The following CDC27 variants were observed in gnomAD, a reference collection of about 807,000 sequenced individuals.
CDC27 encodes the protein cell division cycle protein 27 homolog.
Under a neutral mutation model 109.7 loss-of-function variants are expected in CDC27, and 27 were observed. The observed-to-expected ratio is 0.25, with a 90% confidence interval of 0.18 to 0.34. The LOEUF is 0.34. Ranked by LOEUF, CDC27 falls within the 10% of genes least tolerant of loss-of-function variation. The pLI, the probability that CDC27 is intolerant of heterozygous loss-of-function variation, is 1.00. For missense variants in CDC27, 579 were observed against 960.2 expected (o/e 0.60, Z 5.25); for synonymous variants, 266 against 333.9 (o/e 0.80, Z 2.22).
chr17:47,123,391 T>C (rs1474590123), intron 17 of CDC27, among the ~76,000 whole-genome samples: 1 of 145,992 alleles, frequency 6.8e-6, no homozygotes, highest in East Asian at 2.0e-4. Context: ...GTTCTTCTAC[T>C]TTTTTTTCTA....
At position 47,157,031 on chromosome 17, in the gene CDC27, G is replaced by T. The variant is rs7350908; in HGVS notation, c.724C>A (p.Pro242Thr). ...VSYIDSAVIS[P>T]DTVPLGTGTS... ...CCTGTTCCCAGTGGGACAGTATCAG[G>T]TGAAATTACAGCTGAATCAATATAA... is the stretch of plus-strand genomic sequence containing the variant. Residue 242 changes from proline to threonine, a missense_variant, in exon 7 of 19, where the codon CCT (proline) becomes ACT (threonine). Physicochemically the swap from Pro to Thr is conservative, Grantham distance 38 (BLOSUM62 -1). Around this residue, in one of 9 missense-constraint regions of CDC27, gnomAD observed 74 missense variants for 148.9 expected, o/e 0.50. Transcript: ENST00000066544. 2.0e-5 allele frequency: 31 copies of T among 1,575,176 alleles called. No homozygotes were observed. Among genetic ancestry groups the T allele is most frequent in the Admixed American group, 1.7e-5 (1 of 59,314 alleles).
intron 13 of CDC27, among the ~76,000 whole-genome samples, chr17:47,137,576 T>C (rs896085767): frequency 3.3e-5 from 5 of 152,206 alleles, no homozygotes; most frequent in African/African-American, 1.2e-4. Flanking sequence ...CTTGCAGTGC[T>C]TTCATAGTCA....
At chr17:47,132,235 T>A in intron 15 of CDC27, 22 bp downstream of exon 15, 1 of 1,052,130 alleles carries the variant, frequency 9.5e-7, no homozygotes, top group East Asian at 2.4e-5. Context: ...AATAGAGTAT[T>A]AATGTTTAGA....
chr17:47,123,402 C>CTTTTTTTT (rs57868315), intron 17 of CDC27, among the ~76,000 whole-genome samples: 6 of 123,000 alleles, frequency 4.9e-5, no homozygotes, highest in Non-Finnish European at 6.7e-5. Flanking sequence ...TTTTTTTCTA[C>CTTTTTTTT]TTTTTTTTTT....
chr17:47,176,832 G>T (rs1429414587), intron 2 of CDC27, among the ~76,000 whole-genome samples: 1 of 152,100 alleles, frequency 6.6e-6, no homozygotes, highest in Non-Finnish European at 1.5e-5. Context: ...ATCAATAAAG[G>T]CCTCAAAATG....
chr17:47,187,046 C>T (rs1159216201), intron 1 of CDC27, among the ~76,000 whole-genome samples: 1 of 152,156 alleles, frequency 6.6e-6, no homozygotes, highest in African/African-American at 2.4e-5. Context: ...TCTCACTGTT[C>T]CAAATCCATT....
At chr17:47,154,642 T>C (rs1567679263) in intron 8 of CDC27, 30 bp downstream of exon 8, 1 of 1,180,716 alleles carries the variant, frequency 8.5e-7, no homozygotes, top group African/African-American at 1.5e-5. Context: ...CTTTAATCAA[T>C]TCCCAAACTG....
intron 4 of CDC27, among the ~76,000 whole-genome samples, chr17:47,168,486 G>C (rs372592988): frequency 6.6e-6 from 1 of 152,064 alleles, no homozygotes; most frequent in African/African-American, 2.4e-5. Flanking sequence ...ATAAACCTTT[G>C]AGGGTGGGGA....
chr17:47,181,675 T>C (rs776378939), intron 1 of CDC27, 38 bp from the exon 2 acceptor site: 2 of 1,191,820 alleles, frequency 1.7e-6, no homozygotes, highest in Non-Finnish European at 2.5e-6. Context: ...TATACATACA[T>C]ACAGACTTTC....
chr17:47,155,345 A>G (rs1350437578), intron 7 of CDC27, among the ~76,000 whole-genome samples: 2 of 152,182 alleles, frequency 1.3e-5, no homozygotes, highest in Non-Finnish European at 2.9e-5. Flanking sequence ...TGCTGGGTTC[A>G]AATGATTCTT....
rs201040580 is a variant in CDC27 at position 47,130,378 on chromosome 17, T to TA, written c.2032-858dup. ...CCGTCTCAAAAAATAAAAATAAAAA[T>TA]AAAAAAAGAGAAAAAAAAGAAAAAT... is the stretch of plus-strand genomic sequence containing the variant. On this transcript the variant is annotated intron_variant, in intron 15 of 18. Transcript: ENST00000066544. 2.1e-3 allele frequency among the ~76,000 whole-genome samples: 314 copies of TA among 149,188 alleles called. 1 individual carries two copies. The highest frequency in any genetic ancestry group is 7.2e-3 in the African/African-American group (294 of 40,564).
At chr17:47,132,984 G>A (rs2062400953) in intron 14 of CDC27, among the ~76,000 whole-genome samples, 1 of 80,748 alleles carries the variant, frequency 1.2e-5, no homozygotes, top group Non-Finnish European at 2.3e-5. Context: ...ATGTTGCCCA[G>A]GCGCATATAT....
At chr17:47,123,640 G>A (rs1291222378) in intron 17 of CDC27, among the ~76,000 whole-genome samples, 1 of 151,774 alleles carries the variant, frequency 6.6e-6, no homozygotes, top group Non-Finnish European at 1.5e-5. Context: ...TTAAACTCCT[G>A]ACCTCACGTA....
In CDC27 at chr17:47,156,948, TA is replaced by T; in HGVS notation, c.806del (p.Leu269Ter). The T allele has an allele frequency of 6.4e-7, 1 of 1,559,668 alleles. No homozygotes were observed. Among genetic ancestry groups the T allele is most frequent in the Non-Finnish European group, 8.8e-7 (1 of 1,140,926 alleles). ...QNKPKTGRSL[L>X]GGPAALSPLT... ...ATGGACTAAGAGCTGCTGGTCCTCCTAATAAACTTCGACCAGTTTTTGGTTT... is the reference window on the plus strand; with the variant it reads ...ATGGACTAAGAGCTGCTGGTCCTCCTATAAACTTCGACCAGTTTTTGGTTT... On this transcript the variant is annotated frameshift_variant, in exon 7 of 19. Coordinates refer to ENST00000066544, the MANE Select transcript of CDC27 (RefSeq NM_001256.6). LOFTEE classifies it high-confidence loss of function.
rs2064585481 is a variant in CDC27, at chr17:47,189,270, T to A, written c.-98A>T. 1 of 930,182 alleles carries A rather than the reference T, an allele frequency of 1.1e-6. No individual in the cohort carries two copies. The allele number at this position is 930,182 out of a possible 1,614,324, so 57.6% of individuals were successfully genotyped here. A position where few individuals can be genotyped will look rare whatever the true frequency, so the allele number is the denominator to read the frequency against. On this transcript the variant is annotated 5_prime_UTR_variant, in exon 1 of 19. Coordinates refer to ENST00000066544, the MANE Select transcript of CDC27 (RefSeq NM_001256.6). ...GCTCATTTAAACTCACCAGCGACCG[T>A]TACCGGGGGATGGGGGAGGCCGAGC...
At chr17:47,166,772 T>C (rs1356530577) in intron 4 of CDC27, among the ~76,000 whole-genome samples, 1 of 152,204 alleles carries the variant, frequency 6.6e-6, no homozygotes, top group Non-Finnish European at 1.5e-5. Context: ...GTTTTTAATA[T>C]GTCATATTTA....
intron 1 of CDC27, chr17:47,188,740 C>T (rs1201211615): frequency 1.9e-6 from 2 of 1,027,514 alleles, no homozygotes; most frequent in East Asian, 8.7e-5. Context: ...CGTAAACTTG[C>T]CCTACCGTCA....
chr17:47,172,543 G>T (rs1854966822), intron 2 of CDC27, among the ~76,000 whole-genome samples: 1 of 151,864 alleles, frequency 6.6e-6, no homozygotes. Context: ...CACTTGTTTT[G>T]CTTTAACATC....
At chr17:47,125,670 A>C (rs1045838707) in intron 16 of CDC27, among the ~76,000 whole-genome samples, 41 of 151,140 alleles carry the variant, frequency 2.7e-4, no homozygotes, top group Admixed American at 1.3e-3. Context: ...CAGCCTCCCA[A>C]GTAGCTGTGA....
Sources: gnomAD v4.1 joint callset for allele counts (sites outside exome capture counted in the v4.1 genomes callset) on GRCh38, gnomAD v4.1.1 for gene constraint, gnomAD v4.1.1 regional missense constraint, MANE v1.5 for transcripts, NCBI Gene and HGNC (gene_info 2026-07-23, HGNC 2026-07-21) for gene names.